Variants in ZNF540 observed in about 807,000 individuals in gnomAD.
The protein encoded by ZNF540 is zinc finger protein 540.
In ZNF540, 3 loss-of-function variants were observed where a neutral mutation model predicts 11.8. The ratio of observed to expected loss-of-function variants is 0.25; its 90% confidence interval spans 0.12 to 0.65. The LOEUF is 0.65. Ranked by LOEUF, ZNF540 falls within the 30% of genes least tolerant of loss-of-function variation. ZNF540 has a pLI of 0.83. For missense variants in ZNF540, 709 were observed against 793.1 expected (o/e 0.89, Z 1.27); for synonymous variants, 247 against 259.0 (o/e 0.95, Z 0.45).
intron 4 of ZNF540, among the ~76,000 whole-genome samples, chr19:37,602,786 T>C (rs915456278): frequency 2.2e-4 from 34 of 152,180 alleles, no homozygotes; most frequent in African/African-American, 7.2e-4. Flanking sequence ...AAACTGCCTA[T>C]AGGATATGGC....
At chr19:37,563,384 A>T (rs747960731) in intron 1 of ZNF540, 3 of 152,088 alleles carry the variant, frequency 2.0e-5, no homozygotes, top group African/African-American at 7.2e-5. Flanking sequence ...GTAGCCTCCG[A>T]GATCTGGGTC....
At chr19:37,602,542 G>C (rs983940447) in intron 4 of ZNF540, among the ~76,000 whole-genome samples, 5 of 152,182 alleles carry the variant, frequency 3.3e-5, no homozygotes, top group Admixed American at 1.3e-4. Flanking sequence ...GATATCGACT[G>C]TCTGGTCCTT....
At chr19:37,574,703 A>C (rs2043184414) in intron 1 of ZNF540, among the ~76,000 whole-genome samples, 1 of 152,188 alleles carries the variant, frequency 6.6e-6, no homozygotes, top group Admixed American at 6.5e-5. Flanking sequence ...GACTAGAAAA[A>C]GTCACTCTAA....
chr19:37,596,591 T>C (rs1474715488), intron 1 of ZNF540, among the ~76,000 whole-genome samples: 1 of 152,312 alleles, frequency 6.6e-6, no homozygotes, highest in Non-Finnish European at 1.5e-5. Context: ...GCTTTTTCCA[T>C]TTTAAAATTA....
Position 37,586,626 on chromosome 19 carries a change from CA to C in ZNF540, c.-72-11746del, listed in dbSNP as rs1177580804. Reference sequence around the variant, plus strand: ...TAAATCTGGTGTTCACATTACACAACAAAATGATTGTACTTCAAGAAGGAAA... The same window carrying C: ...TAAATCTGGTGTTCACATTACACAACAAATGATTGTACTTCAAGAAGGAAA... On this transcript the variant is annotated intron_variant, in intron 1 of 4. Transcript: ENST00000592533. 6.8e-6 allele frequency: 11 copies of C among 1,612,586 alleles called. No homozygotes were observed. In the African/African-American group the frequency reaches 1.2e-4, roughly 18 times the overall value.
At chr19:37,582,170 A>G (rs1470779629) in intron 1 of ZNF540, among the ~76,000 whole-genome samples, 2 of 152,048 alleles carry the variant, frequency 1.3e-5, no homozygotes, top group African/African-American at 4.8e-5. Context: ...TCTAGTTTTT[A>G]TTGTTGACTT....
At position 37,611,789 on chromosome 19, in the gene ZNF540, G is replaced by C. The variant is rs766597453; in HGVS notation, c.509G>C (p.Ser170Thr). The C allele has an allele frequency of 6.2e-7, 1 of 1,613,970 alleles. No homozygotes were observed. Among genetic ancestry groups the C allele is most frequent in the Non-Finnish European group, 8.5e-7 (1 of 1,179,950 alleles). ...CAGAGAATTCACAATAGTGAGAAAAGCTGTGACTCACACTTGGTTCAACAT... is the reference window on the plus strand; with the variant it reads ...CAGAGAATTCACAATAGTGAGAAAACCTGTGACTCACACTTGGTTCAACAT... ...LNQRIHNSEK[S>T]CDSHLVQHGK... is the part of the protein sequence containing the mutation. The change falls in exon 5 of 5, where the codon AGC (serine) becomes ACC (threonine). Residue 170 changes from serine to threonine, a missense_variant. Ser to Thr is a moderately conservative substitution (Grantham distance 58). Coordinates refer to ENST00000316433, the MANE Select transcript of ZNF540 (RefSeq NM_001172225.3).
intron 1 of ZNF540, chr19:37,586,862 C>T (rs1465252057): frequency 1.5e-6 from 1 of 650,428 alleles, no homozygotes; most frequent in East Asian, 2.8e-5. Flanking sequence ...TCAGTTCTTC[C>T]ACAAACCCAA....
At chr19:37,576,936 A>G (rs1439264456) in intron 1 of ZNF540, among the ~76,000 whole-genome samples, 2 of 152,142 alleles carry the variant, frequency 1.3e-5, no homozygotes. Flanking sequence ...AATAAACCCC[A>G]GTAAACCTCA....
chr19:37,586,673 G>A, intron 1 of ZNF540: 2 of 1,614,098 alleles, frequency 1.2e-6, no homozygotes, highest in Admixed American at 1.7e-5. Context: ...CTCACGTGGG[G>A]CATGGTTTTT....
chr19:37,565,948 A>G (rs1308150292), intron 1 of ZNF540: 2 of 1,613,750 alleles, frequency 1.2e-6, no homozygotes, highest in African/African-American at 1.3e-5. Context: ...CTATATTATG[A>G]TTTTCCTCAT....
intron 1 of ZNF540, among the ~76,000 whole-genome samples, chr19:37,578,738 A>G (rs1381770622): frequency 2.0e-5 from 3 of 152,018 alleles, no homozygotes; most frequent in African/African-American, 7.2e-5. Context: ...CCTCCCAGAT[A>G]GCAGACCATG....
chr19:37,557,300 T>G (rs2042669844), intron 1 of ZNF540, among the ~76,000 whole-genome samples: 1 of 152,216 alleles, frequency 6.6e-6, no homozygotes, highest in Admixed American at 6.5e-5. Context: ...CTTGATCTGT[T>G]AGGCTTTGAA....
At chr19:37,564,422 G>A (rs1469899604) in intron 1 of ZNF540, 1 of 455,912 alleles carries the variant, frequency 2.2e-6, no homozygotes, top group East Asian at 3.3e-5. Context: ...TTATATTCTA[G>A]CGTTTATAGA....
chr19:37,612,561 A>G lies in ZNF540; in HGVS notation c.1281A>G (p.Arg427=), dbSNP rs1317995969. ...CTTTTAGTTATAGTGGTGACCTCAG[A>G]GTACATTCTAGAATTCATACTGGAG... ...EKAFSYSGDL[R]VHSRIHTGEK... The change falls in exon 5 of 5, where the codon AGA becomes AGG. Residue 427 remains arginine (R), a synonymous_variant. Coordinates refer to ENST00000316433, the MANE Select transcript of ZNF540 (RefSeq NM_001172225.3). 6.2e-7 allele frequency: 1 copy of G among 1,614,118 alleles called. No individual in the cohort carries two copies. Among genetic ancestry groups the G allele is most frequent in the Non-Finnish European group, 8.5e-7 (1 of 1,180,008 alleles).
chr19:37,571,495 C>CA lies in ZNF540; in HGVS notation c.-73+19837dup, dbSNP rs200875528. 2.8e-4 allele frequency among the ~76,000 whole-genome samples: 43 copies of CA among 152,024 alleles called. No individual in the cohort carries two copies. The East Asian group carries it at 8.1e-3, about 29-fold the overall frequency. On this transcript the variant is annotated intron_variant, in intron 1 of 4. Coordinates refer to the ZNF540 transcript ENST00000592533. ...TGGGTGAGAGAGCGAGACTCCATCT[C>CA]AAAAAAACAAAAACAAACAAAAAAA...
intron 1 of ZNF540, chr19:37,566,479 A>G: frequency 1.6e-6 from 1 of 626,896 alleles, no homozygotes; most frequent in Non-Finnish European, 2.5e-6. Context: ...GCTTATAGGA[A>G]AGAAGGTAAT....
chr19:37,578,368 G>C (rs1054996024), intron 1 of ZNF540, among the ~76,000 whole-genome samples: 2 of 152,148 alleles, frequency 1.3e-5, no homozygotes, highest in Admixed American at 1.3e-4. Flanking sequence ...GAGAGAGTGA[G>C]AGTCCCTGGG....
chr19:37,597,961 C>T (rs186126131), intron 1 of ZNF540, among the ~76,000 whole-genome samples: 118 of 152,354 alleles, frequency 7.7e-4, no homozygotes, highest in Non-Finnish European at 1.3e-3. Context: ...TTCTATCTTT[C>T]GTTTTTAAGT....
Sources: allele counts gnomAD v4.1 joint callset (sites outside exome capture counted in the v4.1 genomes callset), GRCh38; gene constraint gnomAD v4.1.1; transcripts MANE v1.5; gene names NCBI Gene and HGNC (gene_info 2026-07-23, HGNC 2026-07-21).